MAD1L1: variants seen among roughly 807,000 people sequenced by gnomAD.
MAD1L1 encodes mitotic spindle assembly checkpoint protein MAD1.
In MAD1L1, 95 loss-of-function variants were observed where a neutral mutation model predicts 96.9. That is an observed-to-expected ratio of 0.98 (90% CI 0.83 to 1.16). MAD1L1 has a LOEUF of 1.16. MAD1L1 is among the 50% of genes most tolerant of loss of function. MAD1L1 has a pLI of 0.00. For synonymous variants in MAD1L1, 473 were observed against 396.6 expected (o/e 1.19, Z -2.29); for missense variants, 1,007 against 954.4 (o/e 1.06, Z -0.73).
In MAD1L1 at chr7:2,114,216, T is replaced by C. The variant is rs1787538645; in HGVS notation, c.1073+34936A>G. Among the ~76,000 whole-genome samples the C allele has an allele frequency of 6.6e-6, 1 of 152,198 alleles. No homozygotes were observed. Among genetic ancestry groups the C allele is most frequent in the South Asian group, 2.1e-4 (1 of 4,828 alleles). On this transcript the variant is annotated intron_variant, in intron 11 of 18. Transcript: ENST00000265854. This position sits in a 1 kb window ranked among gnomAD's most constrained non-coding sequence, Gnocchi z 4.2. ...AAAATGAAAAGTTCCCAGAAGAACA[T>C]GCCAGACACATGAGAAAGACAAAAG...
intron 15 of MAD1L1, among the ~76,000 whole-genome samples, chr7:1,962,233 G>A (rs186297821): frequency 1.7e-4 from 26 of 152,348 alleles, no homozygotes; most frequent in Admixed American, 1.1e-3. Flanking sequence ...GATTTTATAA[G>A]GGGTTTCCCC....
At chr7:2,145,147 G>A (rs562000108) in intron 11 of MAD1L1, among the ~76,000 whole-genome samples, 1 of 152,178 alleles carries the variant, frequency 6.6e-6, no homozygotes, top group African/African-American at 2.4e-5. Context: ...CGGACCCTTC[G>A]TCACAGCACC....
At chr7:1,843,975 C>T (rs554625195) in intron 18 of MAD1L1, among the ~76,000 whole-genome samples, 3 of 152,160 alleles carry the variant, frequency 2.0e-5, no homozygotes, top group African/African-American at 4.8e-5. Context: ...TTCTGAGGGG[C>T]CTGAGCACAC....
chr7:2,035,038 G>A (rs922331452), intron 12 of MAD1L1, among the ~76,000 whole-genome samples: 1 of 152,228 alleles, frequency 6.6e-6, no homozygotes, highest in Non-Finnish European at 1.5e-5. Context: ...CCACAGAGGC[G>A]GGAGCTCAGG....
At chr7:2,151,302 CCT>C (rs1369148746) in intron 10 of MAD1L1, among the ~76,000 whole-genome samples, 17 of 152,368 alleles carry the variant, frequency 1.1e-4, no homozygotes, top group African/African-American at 3.6e-4. Context: ...CCTCCCAGCC[CCT>C]GTGCCCAGAA....
chr7:2,131,661 T>C (rs571675106), intron 11 of MAD1L1, among the ~76,000 whole-genome samples: 2 of 152,160 alleles, frequency 1.3e-5, no homozygotes, highest in African/African-American at 4.8e-5. Flanking sequence ...CAGGTTCTCA[T>C]CCAGAGAGCA....
At chr7:1,947,293 G>A (rs922470457) in intron 16 of MAD1L1, among the ~76,000 whole-genome samples, 1 of 152,250 alleles carries the variant, frequency 6.6e-6, no homozygotes, top group Non-Finnish European at 1.5e-5. Context: ...AATACTTGGG[G>A]AGGGAGGCGC....
intron 6 of MAD1L1, among the ~76,000 whole-genome samples, chr7:2,218,778 T>C (rs1446049017): frequency 6.6e-6 from 1 of 151,612 alleles, no homozygotes; most frequent in Non-Finnish European, 1.5e-5. Context: ...GGTGCAAAAC[T>C]AATCCCAGCT....
intron 10 of MAD1L1, among the ~76,000 whole-genome samples, chr7:2,191,768 C>T (rs975946089): frequency 6.6e-6 from 1 of 151,676 alleles, no homozygotes; most frequent in Non-Finnish European, 1.5e-5. Flanking sequence ...TGCGGTGTCT[C>T]ACGCCTGTAA....
intron 14 of MAD1L1, among the ~76,000 whole-genome samples, chr7:2,000,500 AC>A (rs1040365744): frequency 2.6e-5 from 4 of 151,304 alleles, no homozygotes; most frequent in African/African-American, 9.7e-5. Flanking sequence ...GTCACCCCTA[AC>A]CTCACTGTTG....
At chr7:1,914,157 C>G (rs1056771292) in intron 17 of MAD1L1, among the ~76,000 whole-genome samples, 14 of 152,230 alleles carry the variant, frequency 9.2e-5, no homozygotes, top group Admixed American at 7.8e-4. Flanking sequence ...CAGCCCCCTC[C>G]CCTGGCCAGT....
rs141695880 is a variant in MAD1L1 at position 2,185,160 on chromosome 7, G to A, written c.986+28052C>T. On this transcript the variant is annotated intron_variant, in intron 10 of 18. Transcript: ENST00000265854. Reference sequence around the variant, plus strand: ...ACAAACTTTCAGGAGGTGATTGCTCGGAGAATCTCACTCTTGGGGTGTGCA... The same window carrying A: ...ACAAACTTTCAGGAGGTGATTGCTCAGAGAATCTCACTCTTGGGGTGTGCA... 1.5e-3 allele frequency among the ~76,000 whole-genome samples: 230 copies of A among 151,832 alleles called. 2 individuals are homozygous for A. The highest frequency in any genetic ancestry group is 3.5e-3 in the African/African-American group (146 of 41,304).
At chr7:1,924,586 A>G (rs56244108) in intron 17 of MAD1L1, among the ~76,000 whole-genome samples, 7,561 of 152,318 alleles carry the variant, frequency 0.05, 272 homozygotes, top group Admixed American at 0.1. Context: ...TGGGCAAGCA[A>G]ACGCTGAGAG....
In MAD1L1 at chr7:2,165,295, A is replaced by C. The variant is rs151171204; in HGVS notation, c.987-16057T>G. ...GGCTAAGCTACAGCTGCCGGGGATG[A>C]AGGGCTGGACTGGGGGGACCCCGGG... is the stretch of plus-strand genomic sequence containing the variant. On this transcript the variant is annotated intron_variant, in intron 10 of 18. Coordinates refer to ENST00000265854, the MANE Select transcript of MAD1L1 (RefSeq NM_001013836.2). Among the ~76,000 whole-genome samples, 482 of 152,364 alleles carry C rather than the reference A, an allele frequency of 3.2e-3. 5 individuals are homozygous for C. The highest frequency in any genetic ancestry group is 0.01 in the African/African-American group (436 of 41,588).
intron 15 of MAD1L1, among the ~76,000 whole-genome samples, chr7:1,962,816 G>A (rs946048489): frequency 1.3e-5 from 2 of 152,206 alleles, no homozygotes; most frequent in Non-Finnish European, 2.9e-5. Flanking sequence ...GTGTGGTGGT[G>A]CACACCTGTA....
intron 13 of MAD1L1, among the ~76,000 whole-genome samples, chr7:2,009,023 C>T (rs1385387327): frequency 6.6e-6 from 1 of 152,164 alleles, no homozygotes; most frequent in East Asian, 1.9e-4. Context: ...AGCGCAGCCA[C>T]GCCCCGGCCC....
At chr7:1,921,168 G>A (rs1191671139) in intron 17 of MAD1L1, among the ~76,000 whole-genome samples, 2 of 152,372 alleles carry the variant, frequency 1.3e-5, no homozygotes, top group South Asian at 2.1e-4. Context: ...ACGTGGTATC[G>A]GTGAGGGAGG....
intron 17 of MAD1L1, among the ~76,000 whole-genome samples, chr7:1,925,186 T>G (rs1789020601): frequency 1.3e-5 from 2 of 152,164 alleles, no homozygotes. Context: ...CATGGGACAT[T>G]TTGAGGTTAT....
intron 12 of MAD1L1, among the ~76,000 whole-genome samples, chr7:2,051,443 T>A (rs1784163540): frequency 6.6e-6 from 1 of 152,134 alleles, no homozygotes; most frequent in South Asian, 2.1e-4. Flanking sequence ...CTGGATGAAG[T>A]GGTGGCGAGG....
Sources: allele counts gnomAD v4.1 joint callset (sites outside exome capture counted in the v4.1 genomes callset), GRCh38; gene constraint gnomAD v4.1.1; non-coding constraint Gnocchi (gnomAD v3.1); transcripts MANE v1.5; gene names NCBI Gene and HGNC (gene_info 2026-07-23, HGNC 2026-07-21).